Variants in BTBD9 observed in about 807,000 individuals in gnomAD.
BTBD9 encodes the protein BTB domain containing 9.
Under a neutral mutation model 64.3 loss-of-function variants are expected in BTBD9, and 49 were observed. That is an observed-to-expected ratio of 0.76 (90% confidence interval 0.61 to 0.97). The LOEUF (loss-of-function observed/expected upper bound fraction) is 0.97, where lower values mean the gene tolerates loss of function less well. BTBD9 is among the 50% of genes least tolerant of loss of function. The probability of loss-of-function intolerance (pLI) is 0.00; values close to 1 mark genes in which losing one functional copy is unlikely to be tolerated. For missense variants in BTBD9, 598 were observed against 762.1 expected (o/e 0.78, Z 2.53); for synonymous variants, 260 against 274.7 (o/e 0.95, Z 0.53).
At chr6:38,288,973 T>C (rs1459735963) in intron 7 of BTBD9, among the ~76,000 whole-genome samples, 1 of 152,194 alleles carries the variant, frequency 6.6e-6, no homozygotes, top group Non-Finnish European at 1.5e-5. Context: ...ACACAGGCTA[T>C]GTATTCACTT....
intron 8 of BTBD9, among the ~76,000 whole-genome samples, chr6:38,266,788 G>A (rs1765022428): frequency 6.6e-6 from 1 of 152,174 alleles, no homozygotes; most frequent in Admixed American, 6.5e-5. Context: ...TTTGGAAAGT[G>A]ACTCTAATAC....
At chr6:38,193,878 G>A (rs1439514809) in intron 9 of BTBD9, 2 of 985,276 alleles carry the variant, frequency 2.0e-6, no homozygotes, top group Middle Eastern at 5.2e-4. Context: ...CACTGAGATT[G>A]ATTCACTGCT....
In BTBD9 at chr6:38,174,971, G is replaced by A; in HGVS notation, c.*14C>T. The A allele has an allele frequency of 6.2e-7, 1 of 1,613,210 alleles. No individual in the cohort carries two copies. Among genetic ancestry groups the A allele is most frequent in the Non-Finnish European group, 8.5e-7 (1 of 1,180,030 alleles). On this transcript the variant is annotated 3_prime_UTR_variant, in exon 11 of 11. Transcript: ENST00000481247. ...GCCCGAGCCCACCAAGTCACACCAG[G>A]CCCGCTGCCTCCTTTATTGGTGCTG... is the stretch of plus-strand genomic sequence containing the variant.
At chr6:38,511,044 T>G (rs1246890514) in intron 6 of BTBD9, among the ~76,000 whole-genome samples, 1 of 152,174 alleles carries the variant, frequency 6.6e-6, no homozygotes, top group Non-Finnish European at 1.5e-5. Flanking sequence ...CACAAACACA[T>G]GAGTAACGTG....
intron 9 of BTBD9, among the ~76,000 whole-genome samples, chr6:38,254,638 A>C (rs992054869): frequency 6.6e-6 from 1 of 152,062 alleles, no homozygotes; most frequent in Admixed American, 6.6e-5. Flanking sequence ...CCCTGCCCCC[A>C]CCCCAAGTAA....
At chr6:38,626,547 C>A (rs1582737394) in intron 1 of BTBD9, among the ~76,000 whole-genome samples, 1 of 152,204 alleles carries the variant, frequency 6.6e-6, no homozygotes, top group East Asian at 1.9e-4. Flanking sequence ...GAGGTCAACA[C>A]ATGTTTGCAT....
At position 38,173,369 on chromosome 6, in the gene BTBD9, G is replaced by A. The variant is rs1363445302; in HGVS notation, c.*1616C>T. On this transcript the variant is annotated 3_prime_UTR_variant, in exon 11 of 11. Transcript: ENST00000481247. ...GAGATCAGAGCTGAGGGGATAGGAA[G>A]CAGCTCAGCCCTGCAGCTGGAGCTA... is the stretch of plus-strand genomic sequence containing the variant. The A allele has an allele frequency of 6.6e-6, 1 of 152,258 alleles. No individual in the cohort carries two copies. Among genetic ancestry groups the A allele is most frequent in the Admixed American group, 6.5e-5 (1 of 15,290 alleles). 9.4% of individuals were successfully genotyped at this position (152,258 alleles called of 1,614,324 possible).
At chr6:38,348,931 C>T (rs1764391876) in intron 6 of BTBD9, among the ~76,000 whole-genome samples, 2 of 152,216 alleles carry the variant, frequency 1.3e-5, no homozygotes, top group Middle Eastern at 3.4e-3. Flanking sequence ...TTTTTTGAGA[C>T]AGGGTCTCAT....
intron 6 of BTBD9, among the ~76,000 whole-genome samples, chr6:38,537,414 G>A (rs866629465): frequency 6.6e-6 from 1 of 152,180 alleles, no homozygotes; most frequent in Non-Finnish European, 1.5e-5. Context: ...TCTGATGGAC[G>A]TATTTTTGTG....
At chr6:38,295,507 T>C (rs1414418122) in intron 7 of BTBD9, among the ~76,000 whole-genome samples, 3 of 152,138 alleles carry the variant, frequency 2.0e-5, no homozygotes, top group Non-Finnish European at 4.4e-5. Flanking sequence ...CTACACCAAA[T>C]TCATAAGGAT....
intron 6 of BTBD9, among the ~76,000 whole-genome samples, chr6:38,540,933 G>C (rs1472581473): frequency 6.6e-6 from 1 of 152,158 alleles, no homozygotes; most frequent in African/African-American, 2.4e-5. Context: ...TGCTAGAGTG[G>C]CAATACTTTA....
At chr6:38,474,447 T>C (rs1193409145) in intron 6 of BTBD9, among the ~76,000 whole-genome samples, 2 of 152,040 alleles carry the variant, frequency 1.3e-5, no homozygotes, top group African/African-American at 4.8e-5. Flanking sequence ...TGCTGGAACC[T>C]GGGAGGCAGA....
chr6:38,324,811 A>G (rs1763360420), intron 7 of BTBD9, among the ~76,000 whole-genome samples: 1 of 152,236 alleles, frequency 6.6e-6, no homozygotes, highest in African/African-American at 2.4e-5. Flanking sequence ...TAAAGGTCCC[A>G]GAGAAACTAA....
intron 7 of BTBD9, among the ~76,000 whole-genome samples, chr6:38,335,364 T>C (rs1221446734): frequency 6.6e-6 from 1 of 151,922 alleles, no homozygotes; most frequent in Non-Finnish European, 1.5e-5. Context: ...AGGATTCTCA[T>C]GGCTCAGCCT....
chr6:38,375,866 G>A (rs532630995), intron 6 of BTBD9, among the ~76,000 whole-genome samples: 6 of 111,362 alleles, frequency 5.4e-5, no homozygotes, highest in African/African-American at 1.6e-4. Context: ...AATTAACCTT[G>A]AGTCTACAAA....
At chr6:38,228,374 A>C (rs1251817228) in intron 9 of BTBD9, among the ~76,000 whole-genome samples, 1 of 128,450 alleles carries the variant, frequency 7.8e-6, no homozygotes, top group Non-Finnish European at 1.7e-5. Context: ...AAAAAAAGAG[A>C]GAGAGTAAAC....
chr6:38,195,978 A>T lies in BTBD9; in HGVS notation c.1563-3381T>A, dbSNP rs142371182. On this transcript the variant is annotated intron_variant, in intron 9 of 10. Transcript: ENST00000481247. Reference sequence around the variant, plus strand: ...AATACACATAAGCATTAAACAGAGTACCTATCTTGCCTATTGTCCAAGGAT... The same window carrying T: ...AATACACATAAGCATTAAACAGAGTTCCTATCTTGCCTATTGTCCAAGGAT... Among the ~76,000 whole-genome samples, 3 of 152,368 alleles carry T rather than the reference A, an allele frequency of 2.0e-5. No individual in the cohort carries two copies. The East Asian group carries it at 5.8e-4, about 29-fold the overall frequency.
At chr6:38,263,969 T>A (rs924179843) in intron 8 of BTBD9, among the ~76,000 whole-genome samples, 3 of 152,208 alleles carry the variant, frequency 2.0e-5, no homozygotes, top group Non-Finnish European at 4.4e-5. Context: ...CCGTGATGGC[T>A]ACAGGACCAG....
chr6:38,455,284 C>T (rs1769744830), intron 6 of BTBD9, among the ~76,000 whole-genome samples: 1 of 152,166 alleles, frequency 6.6e-6, no homozygotes, highest in Non-Finnish European at 1.5e-5. Context: ...GAAATTCTCA[C>T]CTCACCCTTA....
Sources: allele counts gnomAD v4.1 joint callset (sites outside exome capture counted in the v4.1 genomes callset), GRCh38; gene constraint gnomAD v4.1.1; transcripts MANE v1.5; gene names NCBI Gene and HGNC (gene_info 2026-07-23, HGNC 2026-07-21).